LCMT1: variants seen among roughly 807,000 people sequenced by gnomAD.
LCMT1 encodes [Phosphatase 2A protein]-leucine-carboxy methyltransferase 1.
Under a neutral mutation model 47.7 loss-of-function variants are expected in LCMT1, and 32 were observed. The ratio of observed to expected loss-of-function variants is 0.67; its 90% CI spans 0.51 to 0.90. The LOEUF is 0.90. Among genes scored for constraint, LCMT1 ranks in the 40% least tolerant of loss-of-function variants. The pLI is 0.00. For missense variants in LCMT1, 375 were observed against 415.2 expected (o/e 0.90, Z 0.84); for synonymous variants, 152 against 149.7 (o/e 1.02, Z -0.11).
chr16:25,164,708 A>C lies in LCMT1; in HGVS notation c.680A>C (p.Asn227Thr). 6.2e-7 allele frequency: 1 copy of C among 1,613,992 alleles called. No individual in the cohort carries two copies. The highest frequency in any genetic ancestry group is 8.5e-7 in the Non-Finnish European group (1 of 1,179,862). ...AGTTTTGAGAGAGCCATGTTCATAA[A>C]CTACGAACAGGTAAAAGGAAGCACA... is the stretch of plus-strand genomic sequence containing the variant. ...ANSFERAMFI[N>T]YEQVNMGDRF... is the part of the protein sequence containing the mutation. The change falls in exon 7 of 11, where the codon AAC becomes ACC. Residue 227 changes from asparagine (N) to threonine (T), a missense_variant. Transcript: ENST00000399069.
chr16:25,157,378 C>A (rs1394309916), intron 5 of LCMT1, among the ~76,000 whole-genome samples: 1 of 151,764 alleles, frequency 6.6e-6, no homozygotes, highest in Admixed American at 6.6e-5. Flanking sequence ...ACCCGCCCAC[C>A]CCCCATCTAT....
rs758810404 is a variant in LCMT1, at chr16:25,111,982, T to A, written c.99T>A (p.Ala33=). The A allele has an allele frequency of 1.2e-6, 2 of 1,612,736 alleles. No homozygotes were observed. Among genetic ancestry groups the A allele is most frequent in the South Asian group, 1.1e-5 (1 of 91,060 alleles). Residue 33 remains alanine, a synonymous_variant, in exon 1 of 11, where the codon GCT becomes GCA. Transcript: ENST00000399069. The part of the protein sequence containing the change: ...DEGVRGTCED[A]SLCKRFAVSI... ...GCGTGCGCGGCACCTGCGAAGATGCTTCCCTGTGCAAGAGGTGCCTGTCGG... is the reference window on the plus strand; with the variant it reads ...GCGTGCGCGGCACCTGCGAAGATGCATCCCTGTGCAAGAGGTGCCTGTCGG...
intron 10 of LCMT1, among the ~76,000 whole-genome samples, chr16:25,177,505 T>G (rs1961984183): frequency 6.6e-6 from 1 of 152,246 alleles, no homozygotes; most frequent in Non-Finnish European, 1.5e-5. Context: ...TGTAATGGCT[T>G]TATAATATTG....
At chr16:25,149,743 G>T (rs1221779168) in intron 4 of LCMT1, among the ~76,000 whole-genome samples, 1 of 151,804 alleles carries the variant, frequency 6.6e-6, no homozygotes, top group South Asian at 2.1e-4. Flanking sequence ...GTGAAACCTC[G>T]TCTCTACTAA....
chr16:25,117,469 A>T (rs888441210), intron 1 of LCMT1, among the ~76,000 whole-genome samples: 1 of 152,120 alleles, frequency 6.6e-6, no homozygotes, highest in Non-Finnish European at 1.5e-5. Flanking sequence ...CCTCCAGTTC[A>T]CTATTTCCAA....
chr16:25,160,133 G>A (rs540380173), intron 5 of LCMT1, among the ~76,000 whole-genome samples: 28 of 152,244 alleles, frequency 1.8e-4, no homozygotes, highest in African/African-American at 6.7e-4. Flanking sequence ...ATTTTTAGTA[G>A]AGACGGAGTT....
chr16:25,170,077 G>A (rs1362064463), intron 8 of LCMT1, among the ~76,000 whole-genome samples: 15 of 151,878 alleles, frequency 9.9e-5, no homozygotes, highest in African/African-American at 2.9e-4. Flanking sequence ...AAAATTAGCC[G>A]GGTGTGGTGG....
At chr16:25,152,512 A>G (rs2141683907) in intron 5 of LCMT1, among the ~76,000 whole-genome samples, 1 of 152,308 alleles carries the variant, frequency 6.6e-6, no homozygotes, top group Non-Finnish European at 1.5e-5. Flanking sequence ...GAGTCTTTTT[A>G]GATGTCCTTA....
chr16:25,118,466 T>C (rs1384305217), intron 1 of LCMT1, among the ~76,000 whole-genome samples: 1 of 152,148 alleles, frequency 6.6e-6, no homozygotes, highest in Non-Finnish European at 1.5e-5. Context: ...TCCTAGACCC[T>C]GCCAATGCAG....
chr16:25,120,690 A>C (rs1959948098), intron 1 of LCMT1, among the ~76,000 whole-genome samples: 1 of 150,132 alleles, frequency 6.7e-6, no homozygotes, highest in African/African-American at 2.5e-5. Context: ...TGGCCTCCCA[A>C]AGTGCTTGGA....
At chr16:25,135,523 T>C (rs963976638) in intron 3 of LCMT1, among the ~76,000 whole-genome samples, 7 of 152,230 alleles carry the variant, frequency 4.6e-5, no homozygotes, top group African/African-American at 1.4e-4. Context: ...ATATTTACTT[T>C]CTGGCTCTTT....
chr16:25,155,639 G>A (rs1015142211), intron 5 of LCMT1, among the ~76,000 whole-genome samples: 3 of 151,438 alleles, frequency 2.0e-5, no homozygotes, highest in South Asian at 2.1e-4. Context: ...AGGCCTCTGC[G>A]TGCCTCCTGA....
chr16:25,114,692 C>T (rs1267197904), intron 1 of LCMT1, among the ~76,000 whole-genome samples: 1 of 152,174 alleles, frequency 6.6e-6, no homozygotes, highest in East Asian at 1.9e-4. Context: ...GCCATTCCCT[C>T]CCTCCCTTTG....
intron 5 of LCMT1, among the ~76,000 whole-genome samples, chr16:25,155,118 A>G (rs1427600305): frequency 6.6e-6 from 1 of 152,220 alleles, no homozygotes; most frequent in African/African-American, 2.4e-5. Context: ...ACTTAAGCTG[A>G]CACATCACCA....
chr16:25,165,620 C>T (rs530848498), intron 7 of LCMT1, among the ~76,000 whole-genome samples: 24 of 151,968 alleles, frequency 1.6e-4, no homozygotes, highest in Non-Finnish European at 3.1e-4. Context: ...TGGGTTCAAG[C>T]GATTCTCCTG....
chr16:25,138,027 G>T (rs1419717828), intron 3 of LCMT1, among the ~76,000 whole-genome samples: 3 of 152,118 alleles, frequency 2.0e-5, no homozygotes, highest in Non-Finnish European at 4.4e-5. Flanking sequence ...CTGCCCAGTT[G>T]CTCCAGTCAG....
chr16:25,165,423 T>C (rs1188729436), intron 7 of LCMT1, among the ~76,000 whole-genome samples: 1 of 152,198 alleles, frequency 6.6e-6, no homozygotes, highest in Non-Finnish European at 1.5e-5. Context: ...GCTTAGTGAT[T>C]GGGAGTCCAT....
At chr16:25,122,581 G>A (rs141109857) in intron 1 of LCMT1, among the ~76,000 whole-genome samples, 1 of 149,240 alleles carries the variant, frequency 6.7e-6, no homozygotes, top group Non-Finnish European at 1.5e-5. Context: ...TGCCCTCCTT[G>A]ACCTCCCAAA....
intron 4 of LCMT1, among the ~76,000 whole-genome samples, chr16:25,149,715 A>G (rs1961010846): frequency 6.6e-6 from 1 of 152,084 alleles, no homozygotes; most frequent in Non-Finnish European, 1.5e-5. Context: ...GGAGTTCGAG[A>G]CCAGCCCAGG....
Sources: gnomAD v4.1 joint callset for allele counts (sites outside exome capture counted in the v4.1 genomes callset) on GRCh38, gnomAD v4.1.1 for gene constraint, MANE v1.5 for transcripts, NCBI Gene and HGNC (gene_info 2026-07-23, HGNC 2026-07-21) for gene names.